Variants in NLK observed in about 807,000 individuals in gnomAD.
The protein encoded by NLK is nemo like kinase, also known as serine/threonine-protein kinase NLK.
In NLK, 11 loss-of-function variants were observed where a neutral mutation model predicts 59.0. That is an observed-to-expected ratio of 0.19 (90% CI 0.12 to 0.31). The LOEUF is 0.31. Ranked by LOEUF, NLK falls within the 10% of genes least tolerant of loss-of-function variation. The probability of loss-of-function intolerance (pLI) is 1.00; values close to 1 mark genes in which losing one functional copy is unlikely to be tolerated. For synonymous variants in NLK, 235 were observed against 235.9 expected, an observed-to-expected ratio of 1.00 and a Z score of 0.03; for missense variants, 410 against 661.1, an observed-to-expected ratio of 0.62 and a Z score of 4.16.
At chr17:28,182,021 A>G (rs1908927767) in intron 7 of NLK, among the ~76,000 whole-genome samples, 1 of 152,180 alleles carries the variant, frequency 6.6e-6, no homozygotes. Flanking sequence ...AAACAAACAA[A>G]CAAAAAACAG....
chr17:28,129,449 G>A (rs192827372), intron 2 of NLK, among the ~76,000 whole-genome samples: 123 of 152,060 alleles, frequency 8.1e-4, no homozygotes, highest in African/African-American at 2.9e-3. Flanking sequence ...CAAGGCTCCC[G>A]TCTCAAAAAA....
At position 28,169,167 on chromosome 17, in the gene NLK, T is replaced by A. The variant is rs566830676; in HGVS notation, c.1047+510T>A. 7.3e-4 allele frequency among the ~76,000 whole-genome samples: 111 copies of A among 152,358 alleles called. 1 individual carries two copies. Among genetic ancestry groups the A allele is most frequent in the African/African-American group, 2.6e-3 (108 of 41,588 alleles). The stretch of plus-strand genomic sequence containing the variant: ...TCCCAAAGTGCTGGGATTACAGGCA[T>A]GAGCCACTGCACCCGGCCAGTTGAC... On this transcript the variant is annotated intron_variant, in intron 6 of 10. Coordinates refer to ENST00000407008, the MANE Select transcript of NLK (RefSeq NM_016231.5).
At chr17:28,117,791 T>C (rs753064548) in intron 1 of NLK, among the ~76,000 whole-genome samples, 1 of 152,100 alleles carries the variant, frequency 6.6e-6, no homozygotes, top group Non-Finnish European at 1.5e-5. Context: ...GATAAACAAA[T>C]GAGAAAAGAA....
chr17:28,045,457 C>T (rs774103966), intron 1 of NLK, among the ~76,000 whole-genome samples: 7 of 152,108 alleles, frequency 4.6e-5, no homozygotes, highest in Non-Finnish European at 1.0e-4. Flanking sequence ...TTTGAGGCCC[C>T]TCTGCTTGGC....
intron 1 of NLK, among the ~76,000 whole-genome samples, chr17:28,060,746 A>G (rs1038622889): frequency 2.6e-5 from 4 of 152,242 alleles, no homozygotes; most frequent in African/African-American, 7.2e-5. Context: ...TAGATATTTT[A>G]AAGTAATAAT....
rs569063487 is a variant in NLK at position 28,074,315 on chromosome 17, A to G, written c.458+30984A>G. Among the ~76,000 whole-genome samples the G allele has an allele frequency of 4.6e-5, 7 of 152,332 alleles. No homozygotes were observed. In the South Asian group the frequency reaches 1.2e-3, roughly 27 times the overall value. ...TGTAACAAACCTGCACATCCTGCAC[A>G]TGTACCCCTGAACTTAAAAGTTGGA... On this transcript the variant is annotated intron_variant, in intron 1 of 10. Transcript: ENST00000407008.
At chr17:28,119,707 A>T (rs1321146932) in intron 1 of NLK, among the ~76,000 whole-genome samples, 1 of 152,228 alleles carries the variant, frequency 6.6e-6, no homozygotes, top group Non-Finnish European at 1.5e-5. Context: ...GAGGAATAGG[A>T]TATTTACACA....
chr17:28,163,425 T>G (rs1185364856), intron 4 of NLK, 118 bp from the exon 5 acceptor site: 1 of 616,672 alleles, frequency 1.6e-6, no homozygotes, highest in Non-Finnish European at 2.9e-6. Context: ...ATGTTCATTA[T>G]GCAGTTATTT....
intron 1 of NLK, among the ~76,000 whole-genome samples, chr17:28,052,623 TA>T (rs1488597977): frequency 1.3e-5 from 2 of 152,216 alleles, no homozygotes; most frequent in African/African-American, 4.8e-5. Context: ...TTAAATTTTC[TA>T]GTAGCCACAG....
chr17:28,155,242 G>A (rs921280241), intron 3 of NLK, among the ~76,000 whole-genome samples: 2 of 152,050 alleles, frequency 1.3e-5, no homozygotes, highest in African/African-American at 4.8e-5. Context: ...ACAGGCAACA[G>A]CAGAAAAGTT....
In NLK at chr17:28,072,923, C is replaced by T. The variant is rs530739700; in HGVS notation, c.458+29592C>T. Among the ~76,000 whole-genome samples, 8 of 152,066 alleles carry T rather than the reference C, an allele frequency of 5.3e-5. No individual in the cohort carries two copies. In the South Asian group the frequency reaches 1.7e-3, roughly 32 times the overall value. Reference sequence around the variant, plus strand: ...TCTTTGTTGGTCTAATACATTGGCTCTTACTTGTAGGTGCTTGTTTCTTTG... The same window carrying T: ...TCTTTGTTGGTCTAATACATTGGCTTTTACTTGTAGGTGCTTGTTTCTTTG... On this transcript the variant is annotated intron_variant, in intron 1 of 10. Coordinates refer to ENST00000407008, the MANE Select transcript of NLK (RefSeq NM_016231.5).
chr17:28,115,669 C>G (rs534035215), intron 1 of NLK, among the ~76,000 whole-genome samples: 1 of 151,774 alleles, frequency 6.6e-6, no homozygotes, highest in African/African-American at 2.4e-5. Flanking sequence ...CTTCATCTAT[C>G]CCCCCCATCA....
At chr17:28,169,721 CTTTTTT>C (rs1193124964) in intron 6 of NLK, among the ~76,000 whole-genome samples, 1 of 111,618 alleles carries the variant, frequency 9.0e-6, no homozygotes, top group East Asian at 2.5e-4. Context: ...GCTTCTTCTT[CTTTTTT>C]TTTTTTTTTT....
At chr17:28,182,161 CA>C (rs1368119962) in intron 7 of NLK, among the ~76,000 whole-genome samples, 1 of 152,176 alleles carries the variant, frequency 6.6e-6, no homozygotes. Flanking sequence ...GCTAGAACCT[CA>C]CCTAATCTTA....
downstream of NLK, among the ~76,000 whole-genome samples, chr17:28,199,177 G>A (rs1909557860): frequency 6.6e-6 from 1 of 152,138 alleles, no homozygotes; most frequent in Non-Finnish European, 1.5e-5. Context: ...TAAAGCAAAA[G>A]ATTAAAAATT....
intron 1 of NLK, among the ~76,000 whole-genome samples, chr17:28,051,617 A>G (rs1909260019): frequency 6.6e-6 from 1 of 150,930 alleles, no homozygotes; most frequent in Non-Finnish European, 1.5e-5. Flanking sequence ...TCGGCCTCCC[A>G]AAGTGCTGGG....
At position 28,186,239 on chromosome 17, in the gene NLK, T is replaced by C. The variant is rs543312863; in HGVS notation, c.1236+974T>C. Among the ~76,000 whole-genome samples, 37 of 152,278 alleles carry C rather than the reference T, an allele frequency of 2.4e-4. No homozygotes were observed. In the South Asian group the frequency reaches 7.0e-3, roughly 29 times the overall value. ...AAAGCTGCAACTTTCTCAGAAGATATCAAATTCACAAAGCTTCAGACATCA... is the reference window on the plus strand; with the variant it reads ...AAAGCTGCAACTTTCTCAGAAGATACCAAATTCACAAAGCTTCAGACATCA... On this transcript the variant is annotated intron_variant, in intron 8 of 10. Transcript: ENST00000407008.
chr17:28,069,394 A>C (rs1250666425), intron 1 of NLK, among the ~76,000 whole-genome samples: 1 of 152,154 alleles, frequency 6.6e-6, no homozygotes, highest in Non-Finnish European at 1.5e-5. Context: ...TTCTCTAAGG[A>C]TAAATATCTA....
chr17:28,072,328 T>C (rs1910033238), intron 1 of NLK, among the ~76,000 whole-genome samples: 1 of 129,066 alleles, frequency 7.7e-6, no homozygotes, highest in East Asian at 2.0e-4. Context: ...CTTCTTTTTC[T>C]TTTTTTTTTT....
Sources: allele counts gnomAD v4.1 joint callset (sites outside exome capture counted in the v4.1 genomes callset), GRCh38; gene constraint gnomAD v4.1.1; transcripts MANE v1.5; gene names NCBI Gene and HGNC (gene_info 2026-07-23, HGNC 2026-07-21).